The following RADIL variants were observed in gnomAD, a reference collection of about 807,000 sequenced individuals.
RADIL encodes the protein Rap associating with DIL domain, also known as ras-associating and dilute domain-containing protein.
RADIL carries 99 observed loss-of-function variants against 97.6 expected under a neutral mutation model. The observed-to-expected ratio is 1.01, with a 90% CI of 0.86 to 1.20. The LOEUF is 1.20. RADIL is among the 50% of genes most tolerant of loss of function. The pLI, the probability that RADIL is intolerant of heterozygous loss-of-function variation, is 0.00. For synonymous variants in RADIL, 803 were observed against 691.8 expected, an observed-to-expected ratio of 1.16 and a Z score of -2.52; for missense variants, 1,765 against 1,498.9, an observed-to-expected ratio of 1.18 and a Z score of -2.93.
intron 9 of RADIL, chr7:4,808,652 G>GCCCCTCCGCGTC: frequency 1.1e-6 from 1 of 951,836 alleles, no homozygotes; most frequent in South Asian, 4.8e-5. Context: ...CAACGCCACT[G>GCCCCTCCGCGTC]CCCCTCCGCG....
chr7:4,817,150 A>G lies in RADIL; in HGVS notation c.1728+89T>C. On this transcript the variant is annotated intron_variant, in intron 7 of 14. Coordinates refer to ENST00000399583, the MANE Select transcript of RADIL (RefSeq NM_018059.5). The surrounding 1 kb of genome is among the most constrained non-coding windows in gnomAD (Gnocchi z 8.3). Reference sequence around the variant, plus strand: ...CGGTCCCCTCCCTCAGCCCCCCAGAAGGCTCCTTAGGAGAGCCACAGGCAC... The same window carrying G: ...CGGTCCCCTCCCTCAGCCCCCCAGAGGGCTCCTTAGGAGAGCCACAGGCAC... 1.7e-6 allele frequency: 2 copies of G among 1,143,912 alleles called. No homozygotes were observed. The highest frequency in any genetic ancestry group is 2.0e-4 in the Middle Eastern group (1 of 4,880). 70.9% of individuals were successfully genotyped at this position (1,143,912 alleles called of 1,614,324 possible). A position where few individuals can be genotyped will look rare whatever the true frequency, so the allele number is the denominator to read the frequency against.
chr7:4,829,354 CG>C lies in RADIL; in HGVS notation c.1454+2786del, dbSNP rs538081651. Reference sequence around the variant, plus strand: ...GGCATCGGGACCTGGCTCTGGGGAGCGGGTGTTTGCCAGTGAAAGTGGAAGG... The same window carrying C: ...GGCATCGGGACCTGGCTCTGGGGAGCGGTGTTTGCCAGTGAAAGTGGAAGG... On this transcript the variant is annotated intron_variant, in intron 5 of 14. Transcript: ENST00000399583. 1.9e-3 allele frequency among the ~76,000 whole-genome samples: 293 copies of C among 152,254 alleles called. 2 individuals are homozygous for C. Among genetic ancestry groups the C allele is most frequent in the Non-Finnish European group, 1.1e-3 (75 of 68,014 alleles).
At chr7:4,820,742 C>T (rs372503762) in intron 6 of RADIL, among the ~76,000 whole-genome samples, 12 of 152,182 alleles carry the variant, frequency 7.9e-5, no homozygotes, top group African/African-American at 2.2e-4. Flanking sequence ...AGGGCCAGCC[C>T]GGCCTGTTCC....
chr7:4,837,003 A>C lies in RADIL; in HGVS notation c.536-398T>G, dbSNP rs373262645. On this transcript the variant is annotated intron_variant, in intron 2 of 14. Transcript: ENST00000399583. The surrounding 1 kb of genome is among the most constrained non-coding windows in gnomAD (Gnocchi z 5.6). ...CCGGGTCCTTCTGAGTTCAAATCCC[A>C]CTAAGCCACGTCTCCTAATGCCGTT... Among the ~76,000 whole-genome samples the C allele has an allele frequency of 1.3e-5, 2 of 152,044 alleles. No individual in the cohort carries two copies. The highest frequency in any genetic ancestry group is 3.9e-4 in the East Asian group (2 of 5,182).
chr7:4,799,924 C>A (rs1054165339), intron 13 of RADIL, among the ~76,000 whole-genome samples, 155 bp from the exon 14 acceptor site: 2 of 152,210 alleles, frequency 1.3e-5, no homozygotes, highest in Non-Finnish European at 2.9e-5. Context: ...AAGCAGTGGA[C>A]ACCACCGTCC....
At chr7:4,836,025 G>T (rs1177024919) in intron 3 of RADIL, among the ~76,000 whole-genome samples, 3 of 152,232 alleles carry the variant, frequency 2.0e-5, no homozygotes, top group African/African-American at 7.2e-5. Flanking sequence ...CTGGCCAACT[G>T]CCCATGCCCT....
rs372096147 is a variant in RADIL, at chr7:4,799,322, C to T, written c.*56G>A. On this transcript the variant is annotated 3_prime_UTR_variant, in exon 15 of 15. Transcript: ENST00000399583. The stretch of plus-strand genomic sequence containing the variant: ...ACAGGGACGAAGGCGGGAGGAAGCC[C>T]AGTGTCACCAGGTGGGACCGGGTGC... 32 of 1,557,756 alleles carry T rather than the reference C, an allele frequency of 2.1e-5. No homozygotes were observed. The highest frequency in any genetic ancestry group is 1.8e-4 in the East Asian group (8 of 44,480).
At chr7:4,808,828 C>G (rs1292510838) in intron 9 of RADIL, 2 of 973,226 alleles carry the variant, frequency 2.1e-6, no homozygotes, top group African/African-American at 3.7e-5. Flanking sequence ...TCCGACGCCA[C>G]TGCCCCTCCG....
At position 4,883,485 on chromosome 7, in the gene RADIL, C is replaced by T. The variant is rs567789224; in HGVS notation, c.-65+111G>A. 2 of 152,356 alleles carry T rather than the reference C, an allele frequency of 1.3e-5. No individual in the cohort carries two copies. Among genetic ancestry groups the T allele is most frequent in the Non-Finnish European group, 2.9e-5 (2 of 68,276 alleles). 9.4% of individuals were successfully genotyped at this position (152,356 alleles called of 1,614,324 possible). On this transcript the variant is annotated intron_variant, in intron 1 of 14. Coordinates refer to ENST00000399583, the MANE Select transcript of RADIL (RefSeq NM_018059.5). This position sits in a 1 kb window ranked among gnomAD's most constrained non-coding sequence, Gnocchi z 7.1. ...GCCCCGACCAGCGGCCGGGAGTGTCCCCGAGCGCGCCCCGCGGCCTCCGCG... is the reference window on the plus strand; with the variant it reads ...GCCCCGACCAGCGGCCGGGAGTGTCTCCGAGCGCGCCCCGCGGCCTCCGCG...
chr7:4,802,908 TCGGGGAATGCTGGCTGGGTCC>T, intron 11 of RADIL, among the ~76,000 whole-genome samples: 15 of 119,762 alleles, frequency 1.3e-4, no homozygotes, highest in African/African-American at 4.9e-4. Flanking sequence ...CCCGGGCACC[TCGGGGAATGCTGGCTGGGTCC>T]CCTCCCCGGG....
chr7:4,816,470 C>T lies in RADIL; in HGVS notation c.1729-5G>A, dbSNP rs117764968. The T allele has an allele frequency of 0.026, 41,748 of 1,600,630 alleles. 646 individuals carry two copies. The highest frequency in any genetic ancestry group is 0.031 in the Non-Finnish European group (36,277 of 1,172,608). ...CGGGAGGCAGATGTACAGGGACTGGCGGGGGCAAGAGGAGAACAGCAACCA... is the reference window on the plus strand; with the variant it reads ...CGGGAGGCAGATGTACAGGGACTGGTGGGGGCAAGAGGAGAACAGCAACCA... On this transcript the variant is annotated splice_region_variant and splice_polypyrimidine_tract_variant and intron_variant, in intron 7 of 14. Transcript: ENST00000399583.
Position 4,805,409 on chromosome 7 carries a change from C to G in RADIL, c.2290+157G>C, listed in dbSNP as rs61513158. ...TCCCCAGGTTGGGGATGGGGCGGGG[C>G]GGGGGGGTCCTCTGGGTGGAGGCTC... On this transcript the variant is annotated intron_variant, in intron 10 of 14. Transcript: ENST00000399583. 0.021 allele frequency: 9,883 copies of G among 476,716 alleles called. 619 individuals carry two copies. The African/African-American group carries it at 0.38, about 18-fold the overall frequency. 29.5% of individuals were successfully genotyped at this position (476,716 alleles called of 1,614,324 possible). A position where few individuals can be genotyped will look rare whatever the true frequency, so the allele number is the denominator to read the frequency against.
intron 2 of RADIL, chr7:4,838,058 G>A: frequency 1.0e-6 from 1 of 985,424 alleles, no homozygotes; most frequent in Non-Finnish European, 1.2e-6. Flanking sequence ...CTGTGCATCT[G>A]CAGCCCGCAG....
chr7:4,799,653 G>T lies in RADIL; in HGVS notation c.3099C>A (p.Ser1033Arg). ...GDRILEVNGS[S>R]LLGLGYLRAV... Reference sequence around the variant, plus strand: ...ACCTCAGGTAGCCAAGGCCCAGGAGGCTGCTGCCATTCACCTCCAGGATAC... The same window carrying T: ...ACCTCAGGTAGCCAAGGCCCAGGAGTCTGCTGCCATTCACCTCCAGGATAC... The change falls in exon 14 of 15, where the codon AGC (serine) becomes AGA (arginine). Residue 1033 changes from serine to arginine, a missense_variant. Physicochemically the swap from Ser to Arg is moderately radical, Grantham distance 110. Coordinates refer to ENST00000399583, the MANE Select transcript of RADIL (RefSeq NM_018059.5). 1 of 1,601,732 alleles carries T rather than the reference G, an allele frequency of 6.2e-7. No individual in the cohort carries two copies. Among genetic ancestry groups the T allele is most frequent in the Non-Finnish European group, 8.5e-7 (1 of 1,175,190 alleles).
In RADIL at chr7:4,879,350, A is replaced by G. The variant is rs1052639143; in HGVS notation, c.-64-1147T>C. ...CTCTGTGGGGGCAGGAGGGCAGAGA[A>G]AAAGGAAGGCAGGTCTCCGATTTGG... On this transcript the variant is annotated intron_variant, in intron 1 of 14. Transcript: ENST00000399583. The surrounding 1 kb of genome is among the most constrained non-coding windows in gnomAD (Gnocchi z 4.1). 1.6e-4 allele frequency among the ~76,000 whole-genome samples: 24 copies of G among 152,342 alleles called. No homozygotes were observed. Among genetic ancestry groups the G allele is most frequent in the Admixed American group, 1.2e-3 (18 of 15,310 alleles).
chr7:4,874,329 G>C (rs1009338250), intron 2 of RADIL, among the ~76,000 whole-genome samples: 3 of 152,274 alleles, frequency 2.0e-5, no homozygotes, highest in Admixed American at 1.3e-4. Context: ...AGTAAGGTCT[G>C]TGCGGGGTCA....
Position 4,835,032 on chromosome 7 carries a change from C to A in RADIL, c.991G>T (p.Glu331Ter). The change falls in exon 4 of 15, where the codon GAG becomes TAG. Residue 331 changes from glutamate (E) to a stop codon, truncating the protein, a stop_gained. Coordinates refer to ENST00000399583, the MANE Select transcript of RADIL (RefSeq NM_018059.5). LOFTEE classifies it high-confidence loss of function. This position sits in a 1 kb window ranked among gnomAD's most constrained non-coding sequence, Gnocchi z 5.8. ...AGCACCACGGTCCTGTGCCCCACCT[C>A]GGAGAAGTTGACGGAGATGTGCGCC... ...PGAHISVNFS[E>*]VGHRTVVLHH... The A allele has an allele frequency of 6.2e-7, 1 of 1,610,676 alleles. No homozygotes were observed. The highest frequency in any genetic ancestry group is 8.5e-7 in the Non-Finnish European group (1 of 1,178,978).
rs181855869 is a variant in RADIL at position 4,839,265 on chromosome 7, G to A, written c.536-2660C>T. Among the ~76,000 whole-genome samples the A allele has an allele frequency of 7.9e-5, 12 of 152,350 alleles. No homozygotes were observed. The East Asian group carries it at 1.7e-3, about 22-fold the overall frequency. ...CCCCAAAGTCATTCAGGAGTAGGTT[G>A]TTTAATTTCCATGTAATTGTATGGT... On this transcript the variant is annotated intron_variant, in intron 2 of 14. Transcript: ENST00000399583.
intron 5 of RADIL, among the ~76,000 whole-genome samples, chr7:4,831,105 C>T (rs950299702): frequency 4.0e-5 from 6 of 150,882 alleles, no homozygotes; most frequent in South Asian, 4.2e-4. Context: ...GCAGGAGAAT[C>T]GCTCGAACCT....
Sources: allele counts gnomAD v4.1 joint callset (sites outside exome capture counted in the v4.1 genomes callset), GRCh38; gene constraint gnomAD v4.1.1; non-coding constraint Gnocchi (gnomAD v3.1); transcripts MANE v1.5; gene names NCBI Gene and HGNC (gene_info 2026-07-23, HGNC 2026-07-21).